Variants in WDR70 observed in about 807,000 individuals in gnomAD.
WDR70 encodes the protein WD repeat domain 70.
A neutral mutation model predicts 88.6 loss-of-function variants in WDR70; 53 were observed. The observed-to-expected ratio is 0.60, with a 90% CI of 0.48 to 0.75. WDR70 has a LOEUF of 0.75. WDR70 is among the 30% of genes least tolerant of loss of function. WDR70 has a pLI of 0.00. For missense variants in WDR70, 610 were observed against 823.2 expected, an observed-to-expected ratio of 0.74 and a Z score of 3.17; for synonymous variants, 280 against 270.0, an observed-to-expected ratio of 1.04 and a Z score of -0.36.
At chr5:37,678,639 A>G (rs904648845) in intron 10 of WDR70, among the ~76,000 whole-genome samples, 2 of 152,154 alleles carry the variant, frequency 1.3e-5, no homozygotes, top group African/African-American at 2.4e-5. Context: ...GGGTAACCCA[A>G]CCTTTCTCTC....
At chr5:37,588,508 T>C (rs1404710323) in intron 9 of WDR70, among the ~76,000 whole-genome samples, 1 of 152,004 alleles carries the variant, frequency 6.6e-6, no homozygotes, top group Non-Finnish European at 1.5e-5. Context: ...CCTTCGCTCA[T>C]CTTCCTTGCT....
At chr5:37,559,844 TAAA>T (rs199731767) in intron 9 of WDR70, among the ~76,000 whole-genome samples, 1 of 111,324 alleles carries the variant, frequency 9.0e-6, no homozygotes, top group African/African-American at 3.3e-5. Flanking sequence ...AAATTCAGTA[TAAA>T]AAAAAAAAAA....
At chr5:37,558,708 T>C (rs1742390690) in intron 9 of WDR70, among the ~76,000 whole-genome samples, 1 of 152,164 alleles carries the variant, frequency 6.6e-6, no homozygotes, top group South Asian at 2.1e-4. Context: ...CTGTTCTGCG[T>C]TATCTGTCAG....
chr5:37,511,459 C>T (rs1409677763), intron 8 of WDR70, among the ~76,000 whole-genome samples: 1 of 151,450 alleles, frequency 6.6e-6, no homozygotes, highest in East Asian at 1.9e-4. Context: ...TTTAATACAA[C>T]AAAATGTTCC....
intron 9 of WDR70, among the ~76,000 whole-genome samples, chr5:37,584,689 A>G (rs1743315814): frequency 6.6e-6 from 1 of 152,088 alleles, no homozygotes; most frequent in African/African-American, 2.4e-5. Flanking sequence ...TAATTATGTT[A>G]AACTTTAGCA....
chr5:37,438,199 C>G (rs958064788), intron 6 of WDR70, among the ~76,000 whole-genome samples: 5 of 152,148 alleles, frequency 3.3e-5, no homozygotes, highest in South Asian at 2.1e-4. Context: ...TTATTGTTGG[C>G]TTTAAAAATC....
intron 15 of WDR70, chr5:37,724,714 A>G (rs894758985): frequency 2.0e-6 from 1 of 497,746 alleles, no homozygotes; most frequent in African/African-American, 2.0e-5. Context: ...ACAATATTTG[A>G]CAGTATTTCC....
intron 8 of WDR70, among the ~76,000 whole-genome samples, chr5:37,503,115 C>A (rs987995670): frequency 6.6e-6 from 1 of 152,146 alleles, no homozygotes; most frequent in East Asian, 1.9e-4. Context: ...TTGATTTTTG[C>A]GTGTGTGTTC....
chr5:37,653,438 A>T (rs1267316148), intron 10 of WDR70, among the ~76,000 whole-genome samples: 1 of 152,090 alleles, frequency 6.6e-6, no homozygotes, highest in Non-Finnish European at 1.5e-5. Context: ...TGGTATCAGG[A>T]TGGTGCTGGC....
In WDR70 at chr5:37,511,035, C is replaced by T. The variant is rs117094397; in HGVS notation, c.841-5479C>T. Reference sequence around the variant, plus strand: ...TAAGGTGGTGTCTACCAGGTTTTTCCACTATAAAGTTACTGTCTTCTCATT... The same window carrying T: ...TAAGGTGGTGTCTACCAGGTTTTTCTACTATAAAGTTACTGTCTTCTCATT... On this transcript the variant is annotated intron_variant, in intron 8 of 17. Transcript: ENST00000265107. Among the ~76,000 whole-genome samples, 45 of 152,208 alleles carry T rather than the reference C, an allele frequency of 3.0e-4. No homozygotes were observed. The East Asian group carries it at 7.9e-3, about 27-fold the overall frequency.
intron 10 of WDR70, chr5:37,687,976 A>T (rs1746664124): frequency 1.4e-6 from 1 of 690,004 alleles, no homozygotes; most frequent in African/African-American, 1.8e-5. Flanking sequence ...AGTTTGTGTG[A>T]TGTGAATCCA....
Position 37,752,647 on chromosome 5 carries a change from T to G in WDR70, c.*74T>G. 1 of 1,065,576 alleles carries G rather than the reference T, an allele frequency of 9.4e-7. No individual in the cohort carries two copies. Among genetic ancestry groups the G allele is most frequent in the South Asian group, 1.5e-5 (1 of 67,178 alleles). The allele number at this position is 1,065,576 out of a possible 1,614,324, so 66.0% of individuals were successfully genotyped here. A position where few individuals can be genotyped will look rare whatever the true frequency, so the allele number is the denominator to read the frequency against. On this transcript the variant is annotated 3_prime_UTR_variant, in exon 18 of 18. Transcript: ENST00000265107. ...GGTTTGGGTTTTTTTTTTATGCTCA[T>G]GAAATTAAAAATTCATTTTTATGAA...
At chr5:37,468,815 ATAAC>A (rs1739240290) in intron 7 of WDR70, among the ~76,000 whole-genome samples, 1 of 152,236 alleles carries the variant, frequency 6.6e-6, no homozygotes, top group Non-Finnish European at 1.5e-5. Context: ...ATATAGTACA[ATAAC>A]TATCTGCATG....
At chr5:37,740,617 C>T (rs776050164) in intron 17 of WDR70, among the ~76,000 whole-genome samples, 18 of 152,266 alleles carry the variant, frequency 1.2e-4, no homozygotes, top group African/African-American at 1.9e-4. Context: ...CCATACTTTG[C>T]TTCACTTCCC....
At chr5:37,466,607 G>A (rs868662836) in intron 7 of WDR70, among the ~76,000 whole-genome samples, 1 of 149,040 alleles carries the variant, frequency 6.7e-6, no homozygotes, top group Non-Finnish European at 1.5e-5. Context: ...TCAGGAGGCT[G>A]AGGCAGGAGA....
At chr5:37,427,509 C>G (rs1319687612) in intron 5 of WDR70, among the ~76,000 whole-genome samples, 1 of 152,110 alleles carries the variant, frequency 6.6e-6, no homozygotes, top group East Asian at 1.9e-4. Context: ...AACACATGCA[C>G]ACATGCTTGC....
At chr5:37,497,279 C>T (rs1251843388) in intron 8 of WDR70, among the ~76,000 whole-genome samples, 1 of 147,232 alleles carries the variant, frequency 6.8e-6, no homozygotes, top group Non-Finnish European at 1.5e-5. Context: ...CTCCCTTTTC[C>T]CTCCCTTTTC....
At chr5:37,583,285 G>A (rs1272429861) in intron 9 of WDR70, among the ~76,000 whole-genome samples, 1 of 152,060 alleles carries the variant, frequency 6.6e-6, no homozygotes, top group Non-Finnish European at 1.5e-5. Flanking sequence ...AGTTAGCCAG[G>A]CGTGGTGGCG....
chr5:37,392,873 C>T (rs1462854868), intron 4 of WDR70, among the ~76,000 whole-genome samples: 2 of 151,690 alleles, frequency 1.3e-5, no homozygotes, highest in African/African-American at 4.8e-5. Flanking sequence ...TCTCCAACTC[C>T]TGACCTCGTG....
Sources: gnomAD v4.1 joint callset for allele counts (sites outside exome capture counted in the v4.1 genomes callset) on GRCh38, gnomAD v4.1.1 for gene constraint, MANE v1.5 for transcripts, NCBI Gene and HGNC (gene_info 2026-07-23, HGNC 2026-07-21) for gene names.